GPC4: variants seen among roughly 807,000 people sequenced by gnomAD.
GPC4 encodes the protein glypican-4.
GPC4 carries 10 observed loss-of-function variants against 35.0 expected under a neutral mutation model. The ratio of observed to expected loss-of-function variants is 0.29; its 90% CI spans 0.18 to 0.48. The LOEUF is 0.48. Among genes scored for constraint, GPC4 ranks in the 20% least tolerant of loss-of-function variants. The pLI is 0.99. For synonymous variants in GPC4, 167 were observed against 170.2 expected (o/e 0.98, Z 0.15); for missense variants, 322 against 451.3 (o/e 0.71, Z 2.60).
At chrX:133,398,493 C>A (rs957942209) in intron 1 of GPC4, among the ~76,000 whole-genome samples, 1 of 111,709 alleles carries the variant, frequency 9.0e-6, no homozygotes. Flanking sequence ...ACTGGCCAGG[C>A]CCCGTGGCTC....
At chrX:133,382,355 G>A (rs1272661883) in intron 1 of GPC4, among the ~76,000 whole-genome samples, 1 of 102,444 alleles carries the variant, frequency 9.8e-6, no homozygotes, top group African/African-American at 3.6e-5. Context: ...GAACCCAGGA[G>A]GTGGAGCTTG....
chrX:133,375,861 C>T (rs1314021347), intron 1 of GPC4, among the ~76,000 whole-genome samples: 1 of 112,071 alleles, frequency 8.9e-6, no homozygotes, highest in East Asian at 2.8e-4. Flanking sequence ...GGTCCTGATA[C>T]TGGTCTAATC....
intron 1 of GPC4, among the ~76,000 whole-genome samples, chrX:133,347,248 G>GTTTTGTTTT (rs2068495689): frequency 3.9e-5 from 1 of 25,415 alleles, no homozygotes; most frequent in Non-Finnish European, 6.7e-5. Context: ...TCTATTAGAA[G>GTTTTGTTTT]TTTTTTTTTT....
At chrX:133,414,359 T>G in intron 1 of GPC4, 2 of 379,286 alleles carry the variant, frequency 5.3e-6, no homozygotes, top group Non-Finnish European at 6.7e-6. Context: ...CACACCCCAC[T>G]GGCGACCCCC....
intron 1 of GPC4, among the ~76,000 whole-genome samples, chrX:133,354,657 T>C (rs1471822823): frequency 9.4e-6 from 1 of 106,691 alleles, no homozygotes; most frequent in African/African-American, 3.5e-5. Context: ...CAAGCTCCGC[T>C]TCCCGGGTTC....
rs373484839 is a variant in GPC4, at chrX:133,312,045, G to A, written c.712-622C>T. Among the ~76,000 whole-genome samples the A allele has an allele frequency of 2.2e-4, 25 of 111,637 alleles. No homozygotes were observed. In the East Asian group the frequency reaches 5.4e-3, roughly 24 times the overall value. On this transcript the variant is annotated intron_variant, in intron 3 of 8. Transcript: ENST00000370828. Reference sequence around the variant, plus strand: ...ATGAGTAATCTTAAACTTAGGGGGTGTGTGAAGGTTTTCCAAGGCTTGGGA... The same window carrying A: ...ATGAGTAATCTTAAACTTAGGGGGTATGTGAAGGTTTTCCAAGGCTTGGGA...
intron 1 of GPC4, among the ~76,000 whole-genome samples, chrX:133,357,196 C>T (rs2068545240): frequency 9.2e-6 from 1 of 109,081 alleles, no homozygotes; most frequent in Non-Finnish European, 1.9e-5. Context: ...CCAGTCTGGG[C>T]AACATGGCAA....
intron 1 of GPC4, among the ~76,000 whole-genome samples, chrX:133,346,542 T>C (rs1427282362): frequency 9.0e-6 from 1 of 110,995 alleles, no homozygotes; most frequent in Non-Finnish European, 1.9e-5. Context: ...GGAAATATAA[T>C]GTGATATCCT....
chrX:133,338,708 A>C (rs764183684), intron 2 of GPC4, among the ~76,000 whole-genome samples: 2 of 111,662 alleles, frequency 1.8e-5, no homozygotes, highest in South Asian at 7.6e-4. Context: ...TCTCTGCTGC[A>C]TGGAAACTCA....
intron 1 of GPC4, among the ~76,000 whole-genome samples, chrX:133,396,985 CAGAG>C (rs1186957332): frequency 8.9e-6 from 1 of 111,928 alleles, no homozygotes; most frequent in Non-Finnish European, 1.9e-5. Flanking sequence ...ACAGACCCAG[CAGAG>C]AGAGAAGCAT....
At position 133,318,934 on chromosome X, in the gene GPC4, T is replaced by C. The variant is rs181519212; in HGVS notation, c.711+5211A>G. Among the ~76,000 whole-genome samples, 92 of 112,189 alleles carry C rather than the reference T, an allele frequency of 8.2e-4. 1 individual carries two copies. The highest frequency in any genetic ancestry group is 4.1e-3 in the Admixed American group (43 of 10,614). On this transcript the variant is annotated intron_variant, in intron 3 of 8. Transcript: ENST00000370828. ...CCAGAAAAAACAAAAGCAAGGCAAG[T>C]GTACTTCAACTATGAAGTGTCTTTC...
chrX:133,377,877 C>CTTTTTTTTTTCTTTTTTTTTT (rs2068641616), intron 1 of GPC4, among the ~76,000 whole-genome samples: 9 of 86,170 alleles, frequency 1.0e-4, no homozygotes, highest in East Asian at 3.7e-4. Context: ...TTTTCTTTTT[C>CTTTTTTTTTTCTTTTTTTTTT]TTTTTTTTTT....
chrX:133,411,308 G>A (rs1468743496), intron 1 of GPC4, among the ~76,000 whole-genome samples: 1 of 112,172 alleles, frequency 8.9e-6, no homozygotes, highest in Non-Finnish European at 1.9e-5. Flanking sequence ...GCAAGTTCAT[G>A]AATGCTTCTA....
At chrX:133,307,127 C>G (rs376400497) in intron 4 of GPC4, among the ~76,000 whole-genome samples, 1 of 112,063 alleles carries the variant, frequency 8.9e-6, no homozygotes, top group African/African-American at 3.2e-5. Context: ...CCTTTACACT[C>G]TAGTGCTTAG....
In GPC4 at chrX:133,397,342, T is replaced by C. The variant is rs768605248; in HGVS notation, c.160+17464A>G. On this transcript the variant is annotated intron_variant, in intron 1 of 8. Transcript: ENST00000370828. ...TGGGAAGCCGAGGCAGGCAGATCAC[T>C]TGCGCTGGGAGTTCGAGACTGGCCT... Among the ~76,000 whole-genome samples the C allele has an allele frequency of 2.7e-5, 3 of 111,554 alleles. No homozygotes were observed. In the East Asian group the frequency reaches 8.6e-4, roughly 32 times the overall value.
At chrX:133,312,101 T>C (rs1204762895) in intron 3 of GPC4, among the ~76,000 whole-genome samples, 1 of 111,059 alleles carries the variant, frequency 9.0e-6, no homozygotes, top group East Asian at 2.8e-4. Context: ...CACAGAACAC[T>C]TGATGAAAGA....
At chrX:133,317,483 G>GAA (rs397895990) in intron 3 of GPC4, among the ~76,000 whole-genome samples, 2 of 106,122 alleles carry the variant, frequency 1.9e-5, no homozygotes, top group Admixed American at 2.0e-4. Flanking sequence ...CAAGCAGCCT[G>GAA]AAAAAAAAAA....
chrX:133,304,993 G>A, intron 6 of GPC4, 132 bp from the exon 7 acceptor site: 1 of 600,678 alleles, frequency 1.7e-6, no homozygotes, highest in Non-Finnish European at 2.6e-6. Context: ...TTAATTAGAA[G>A]AGGAAGATGC....
chrX:133,339,121 C>T, intron 2 of GPC4, 62 bp downstream of exon 2: 3 of 1,091,848 alleles, frequency 2.7e-6, no homozygotes, highest in Non-Finnish European at 3.8e-6. Flanking sequence ...AGCAGAGGAG[C>T]TGTGAAAAAG....
Sources: gnomAD v4.1 joint callset for allele counts (sites outside exome capture counted in the v4.1 genomes callset) on GRCh38, gnomAD v4.1.1 for gene constraint, MANE v1.5 for transcripts, NCBI Gene and HGNC (gene_info 2026-07-23, HGNC 2026-07-21) for gene names.